Variants in SPECC1L observed in about 807,000 individuals in gnomAD.
SPECC1L encodes the protein cytospin-A.
In SPECC1L, 40 loss-of-function variants were observed where a neutral mutation model predicts 116.8. That is an observed-to-expected ratio of 0.34 (90% confidence interval 0.27 to 0.45). The LOEUF (loss-of-function observed/expected upper bound fraction) is 0.45. Ranked by LOEUF, SPECC1L falls within the 20% of genes least tolerant of loss-of-function variation. SPECC1L has a pLI of 1.00. For missense variants in SPECC1L, 1,110 were observed against 1,373.6 expected (o/e 0.81, Z 3.03); for synonymous variants, 504 against 500.6 (o/e 1.01, Z -0.09).
chr22:24,313,444 G>A lies in SPECC1L; in HGVS notation c.285G>A (p.Glu95=). 6.2e-7 allele frequency: 1 copy of A among 1,614,116 alleles called. No individual in the cohort carries two copies. The highest frequency in any genetic ancestry group is 8.5e-7 in the Non-Finnish European group (1 of 1,180,030). Reference sequence around the variant, plus strand: ...CTGCCCCTGCCATGACCACCGTGGAGAACAAATCCAAGATTAGCACAGGTA... The same window carrying A: ...CTGCCCCTGCCATGACCACCGTGGAAAACAAATCCAAGATTAGCACAGGTA... ...SASAPAMTTV[E]NKSKISTGTA... Residue 95 remains glutamate (E), a synonymous_variant, in exon 4 of 17, where the codon GAG becomes GAA. Transcript: ENST00000314328.
At chr22:24,292,021 A>T (rs1417788713) in intron 2 of SPECC1L, among the ~76,000 whole-genome samples, 1 of 152,208 alleles carries the variant, frequency 6.6e-6, no homozygotes, top group African/African-American at 2.4e-5. Flanking sequence ...GAAAGAAGAA[A>T]GTAGTGACAG....
At chr22:24,359,398 T>C (rs768929494) in intron 11 of SPECC1L, among the ~76,000 whole-genome samples, 4 of 152,356 alleles carry the variant, frequency 2.6e-5, no homozygotes, top group South Asian at 4.1e-4. Flanking sequence ...TCCCTGGGTA[T>C]CTCAAAGGGT....
intron 10 of SPECC1L, among the ~76,000 whole-genome samples, chr22:24,345,650 A>G (rs1327439939): frequency 2.0e-5 from 3 of 152,250 alleles, no homozygotes; most frequent in African/African-American, 7.2e-5. Context: ...CCAATGGCAC[A>G]TGAAAAGATG....
At chr22:24,348,058 C>T (rs1043863653) in intron 11 of SPECC1L, among the ~76,000 whole-genome samples, 1 of 152,120 alleles carries the variant, frequency 6.6e-6, no homozygotes, top group Non-Finnish European at 1.5e-5. Context: ...TCTCTTACCC[C>T]ACGCTGCCTC....
At chr22:24,358,789 A>T (rs370849647) in intron 11 of SPECC1L, among the ~76,000 whole-genome samples, 18 of 152,334 alleles carry the variant, frequency 1.2e-4, no homozygotes, top group East Asian at 9.6e-4. Flanking sequence ...CTATTTTAAA[A>T]TCTATTTACC....
chr22:24,312,380 G>T (rs532505659), intron 3 of SPECC1L, among the ~76,000 whole-genome samples: 1 of 152,310 alleles, frequency 6.6e-6, no homozygotes, highest in African/African-American at 2.4e-5. Flanking sequence ...AGACTTTAGA[G>T]ATTAGTTACT....
At position 24,414,603 on chromosome 22, in the gene SPECC1L, T is replaced by G. The variant is rs2042768190; in HGVS notation, c.3334T>G (p.Tyr1112Asp). The G allele has an allele frequency of 6.2e-7, 1 of 1,613,922 alleles. No homozygotes were observed. Among genetic ancestry groups the G allele is most frequent in the African/African-American group, 1.3e-5 (1 of 74,948 alleles). Residue 1112 changes from tyrosine to aspartate, a missense_variant, in exon 17 of 17, where the codon TAC (tyrosine) becomes GAC (aspartate). Physicochemically the swap from Tyr to Asp is radical, Grantham distance 160. Around this residue, in one of 4 missense-constraint regions of SPECC1L, gnomAD observed 76 missense variants for 148.5 expected, o/e 0.51. Transcript: ENST00000314328. ...QNVMLYVTAI[Y>D]KYFET ...CGTGATGCTGTATGTGACGGCGATC[T>G]ACAAGTACTTTGAGACCTGAGCATG... is the stretch of plus-strand genomic sequence containing the variant.
At chr22:24,386,455 A>G (rs950747231) in intron 14 of SPECC1L, among the ~76,000 whole-genome samples, 1 of 152,160 alleles carries the variant, frequency 6.6e-6, no homozygotes, top group Non-Finnish European at 1.5e-5. Flanking sequence ...AGAAAGAGAG[A>G]TAAGAGGTAT....
chr22:24,361,840 GAAA>G (rs772174389), intron 11 of SPECC1L, among the ~76,000 whole-genome samples: 4 of 150,474 alleles, frequency 2.7e-5, no homozygotes, highest in East Asian at 2.0e-4. Context: ...GAGAGAGAGA[GAAA>G]GAAGAAGAAG....
At chr22:24,327,453 T>C (rs1361173378) in intron 6 of SPECC1L, among the ~76,000 whole-genome samples, 1 of 152,068 alleles carries the variant, frequency 6.6e-6, no homozygotes, top group African/African-American at 2.4e-5. Context: ...GGGTCCTAAT[T>C]AAAAGCCAAT....
intron 10 of SPECC1L, among the ~76,000 whole-genome samples, chr22:24,342,258 A>C (rs959366274): frequency 6.6e-6 from 1 of 152,250 alleles, no homozygotes; most frequent in Admixed American, 6.5e-5. Flanking sequence ...CAGTCAATAG[A>C]TGCAGACCTA....
At chr22:24,374,735 T>C (rs1400842565) in intron 14 of SPECC1L, among the ~76,000 whole-genome samples, 1 of 150,994 alleles carries the variant, frequency 6.6e-6, no homozygotes, top group Non-Finnish European at 1.5e-5. Flanking sequence ...GTAACTAACC[T>C]GCACCTTGTG....
chr22:24,312,553 CAT>C (rs1357632739), intron 3 of SPECC1L, among the ~76,000 whole-genome samples: 1 of 152,122 alleles, frequency 6.6e-6, no homozygotes, highest in African/African-American at 2.4e-5. Flanking sequence ...TTTTCCCCCA[CAT>C]ATCTTTAACT....
At chr22:24,393,845 C>T (rs762287769) in intron 14 of SPECC1L, among the ~76,000 whole-genome samples, 1 of 152,160 alleles carries the variant, frequency 6.6e-6, no homozygotes, top group South Asian at 2.1e-4. Context: ...CCTGCTTCTC[C>T]CCCACATTTC....
At chr22:24,330,800 C>T (rs141724546) in intron 8 of SPECC1L, among the ~76,000 whole-genome samples, 74 of 152,320 alleles carry the variant, frequency 4.9e-4, no homozygotes, top group African/African-American at 1.6e-3. Context: ...AGCTCTGCCT[C>T]TTACTAGCTG....
chr22:24,403,248 T>C (rs1471794843), intron 14 of SPECC1L, among the ~76,000 whole-genome samples: 2 of 152,148 alleles, frequency 1.3e-5, no homozygotes, highest in African/African-American at 2.4e-5. Flanking sequence ...TCATCTCTCT[T>C]GTTTTGTCGA....
At chr22:24,275,101 C>A (rs2048809697) in intron 1 of SPECC1L, among the ~76,000 whole-genome samples, 1 of 152,262 alleles carries the variant, frequency 6.6e-6, no homozygotes, top group Non-Finnish European at 1.5e-5. Flanking sequence ...CTTCCCTAGT[C>A]CTCCTGCCTC....
chr22:24,365,724 C>T (rs2041749294), intron 13 of SPECC1L, 92 bp downstream of exon 13: 1 of 1,445,692 alleles, frequency 6.9e-7, no homozygotes, highest in South Asian at 1.1e-5. Flanking sequence ...GGCATTTGAG[C>T]ACTGTGATTT....
intron 8 of SPECC1L, among the ~76,000 whole-genome samples, chr22:24,333,910 T>C (rs1225794034): frequency 1.3e-5 from 2 of 152,160 alleles, no homozygotes; most frequent in Non-Finnish European, 1.5e-5. Context: ...GATATAAAAA[T>C]TTCAGTATCA....
Sources: gnomAD v4.1 joint callset for allele counts (sites outside exome capture counted in the v4.1 genomes callset) on GRCh38, gnomAD v4.1.1 for gene constraint, gnomAD v4.1.1 regional missense constraint, MANE v1.5 for transcripts, NCBI Gene and HGNC (gene_info 2026-07-23, HGNC 2026-07-21) for gene names.